Variants in ABCC4 observed in about 807,000 individuals in gnomAD.
The protein encoded by ABCC4 is ATP-binding cassette sub-family C member 4.
In ABCC4, 102 loss-of-function variants were observed where a neutral mutation model predicts 168.5. The observed-to-expected ratio is 0.61, with a 90% confidence interval of 0.52 to 0.71. The LOEUF (loss-of-function observed/expected upper bound fraction) is 0.71. Among genes scored for constraint, ABCC4 ranks in the 30% least tolerant of loss-of-function variants. The pLI is 0.00. For synonymous variants in ABCC4, 617 were observed against 590.7 expected (o/e 1.04, Z -0.65); for missense variants, 1,402 against 1,605.8 (o/e 0.87, Z 2.17).
chr13:95,287,423 C>A (rs2041286962), intron 1 of ABCC4, among the ~76,000 whole-genome samples: 1 of 151,962 alleles, frequency 6.6e-6, no homozygotes, highest in East Asian at 1.9e-4. Flanking sequence ...CCCGTCTCTA[C>A]TAAAAATACA....
intron 29 of ABCC4, among the ~76,000 whole-genome samples, chr13:95,042,990 G>A (rs988381321): frequency 1.3e-5 from 2 of 152,172 alleles, no homozygotes; most frequent in African/African-American, 2.4e-5. Context: ...GGCTGGTCTC[G>A]AACTCCTGAC....
chr13:95,163,761 G>T, intron 16 of ABCC4, 114 bp from the exon 17 acceptor site: 1 of 873,582 alleles, frequency 1.1e-6, no homozygotes, highest in Non-Finnish European at 1.8e-6. Flanking sequence ...GCCGGGCGTG[G>T]TGGCTCATGC....
chr13:95,204,011 C>G (rs776695216), intron 8 of ABCC4, among the ~76,000 whole-genome samples: 2 of 152,178 alleles, frequency 1.3e-5, no homozygotes, highest in Non-Finnish European at 2.9e-5. Context: ...CAATGCTGAG[C>G]TGCACCGTAC....
intron 19 of ABCC4, among the ~76,000 whole-genome samples, chr13:95,127,986 A>T (rs901936181): frequency 1.3e-5 from 2 of 152,198 alleles, no homozygotes; most frequent in Non-Finnish European, 2.9e-5. Context: ...AACATTTTTT[A>T]TATTCTAAGA....
At chr13:95,148,240 T>C (rs550875874) in intron 19 of ABCC4, among the ~76,000 whole-genome samples, 4 of 152,254 alleles carry the variant, frequency 2.6e-5, no homozygotes, top group East Asian at 3.9e-4. Flanking sequence ...AAAAAAAGGA[T>C]TGTACTGTTA....
chr13:95,050,851 T>G (rs1252277165), intron 27 of ABCC4, among the ~76,000 whole-genome samples: 1 of 152,258 alleles, frequency 6.6e-6, no homozygotes, highest in Non-Finnish European at 1.5e-5. Context: ...ATTTCTTCAC[T>G]GTTCATAGAG....
intron 19 of ABCC4, among the ~76,000 whole-genome samples, chr13:95,154,074 G>A (rs1438581883): frequency 6.6e-6 from 1 of 152,092 alleles, no homozygotes; most frequent in Admixed American, 6.5e-5. Flanking sequence ...ATTCAAAGCT[G>A]AAAAAACAAT....
chr13:95,096,578 T>C (rs1045147840), intron 20 of ABCC4, among the ~76,000 whole-genome samples: 35 of 152,050 alleles, frequency 2.3e-4, no homozygotes, highest in African/African-American at 7.2e-4. Flanking sequence ...AGTCATAATG[T>C]ATAGTGCAAC....
At chr13:95,114,920 T>C (rs1443529454) in intron 20 of ABCC4, among the ~76,000 whole-genome samples, 1 of 152,204 alleles carries the variant, frequency 6.6e-6, no homozygotes, top group Admixed American at 6.5e-5. Flanking sequence ...AGTATTTCTA[T>C]TTAATGGCTT....
chr13:95,197,576 G>A (rs2038494044), intron 8 of ABCC4, among the ~76,000 whole-genome samples: 1 of 152,180 alleles, frequency 6.6e-6, no homozygotes, highest in African/African-American at 2.4e-5. Flanking sequence ...AGTCACTCAG[G>A]AGGGTGAAAA....
At chr13:95,095,006 A>G (rs2034546395) in intron 20 of ABCC4, among the ~76,000 whole-genome samples, 1 of 152,202 alleles carries the variant, frequency 6.6e-6, no homozygotes, top group Admixed American at 6.5e-5. Context: ...AGATGTTGGC[A>G]TGGATGCAGT....
intron 1 of ABCC4, among the ~76,000 whole-genome samples, chr13:95,249,762 G>A (rs544039785): frequency 1.3e-5 from 2 of 152,210 alleles, no homozygotes; most frequent in African/African-American, 4.8e-5. Flanking sequence ...AAATTCACTG[G>A]TGTCTTTTTG....
chr13:95,122,235 T>C (rs996946721), intron 19 of ABCC4, among the ~76,000 whole-genome samples: 1 of 152,212 alleles, frequency 6.6e-6, no homozygotes, highest in Non-Finnish European at 1.5e-5. Flanking sequence ...CCAAATCTTA[T>C]CTGTACTCCT....
chr13:95,196,719 A>AGGAAGGAAGGAAGAAGGGAG (rs1373539101), intron 8 of ABCC4, among the ~76,000 whole-genome samples: 4 of 101,776 alleles, frequency 3.9e-5, no homozygotes, highest in Admixed American at 9.4e-5. Flanking sequence ...GAAGGAAGGA[A>AGGAAGGAAGGAAGAAGGGAG]GGAAGGAAGG....
At chr13:95,234,472 T>C (rs2039707574) in intron 4 of ABCC4, 138 bp downstream of exon 4, 3 of 637,740 alleles carry the variant, frequency 4.7e-6, no homozygotes, top group East Asian at 2.7e-5. Context: ...TTTTTCTTTT[T>C]TTAGAGACAG....
intron 19 of ABCC4, among the ~76,000 whole-genome samples, chr13:95,151,608 GAGA>G (rs879883623): frequency 1.3e-5 from 2 of 149,804 alleles, no homozygotes; most frequent in Non-Finnish European, 3.0e-5. Context: ...GGAGGAGAAG[GAGA>G]AGGAGAAGAA....
chr13:95,157,613 C>T (rs1719494279), intron 19 of ABCC4, among the ~76,000 whole-genome samples: 1 of 152,154 alleles, frequency 6.6e-6, no homozygotes, highest in East Asian at 1.9e-4. Flanking sequence ...GTTTGGCTCA[C>T]ATTTTATCCT....
intron 9 of ABCC4, among the ~76,000 whole-genome samples, chr13:95,194,476 T>C (rs1344569196): frequency 6.6e-6 from 1 of 152,266 alleles, no homozygotes; most frequent in Non-Finnish European, 1.5e-5. Context: ...GTCTCCGTAA[T>C]AATCTACAAT....
At chr13:95,041,397 A>G (rs2032353154) in intron 29 of ABCC4, among the ~76,000 whole-genome samples, 1 of 152,230 alleles carries the variant, frequency 6.6e-6, no homozygotes, top group Non-Finnish European at 1.5e-5. Context: ...TACTTACAGT[A>G]AACAAAACTA....
Sources: gnomAD v4.1 joint callset for allele counts (sites outside exome capture counted in the v4.1 genomes callset) on GRCh38, gnomAD v4.1.1 for gene constraint, MANE v1.5 for transcripts, NCBI Gene and HGNC (gene_info 2026-07-23, HGNC 2026-07-21) for gene names.